SLAIN2: variants seen among roughly 807,000 people sequenced by gnomAD.
The protein encoded by SLAIN2 is SLAIN family member 2.
Under a neutral mutation model 56.6 loss-of-function variants are expected in SLAIN2, and 31 were observed. That is an observed-to-expected ratio of 0.55 (90% CI 0.41 to 0.74). The LOEUF is 0.74. Ranked by LOEUF, SLAIN2 falls within the 30% of genes least tolerant of loss-of-function variation. SLAIN2 has a pLI of 0.00. For missense variants in SLAIN2, 777 were observed against 754.2 expected, an observed-to-expected ratio of 1.03 and a Z score of -0.35; for synonymous variants, 317 against 284.9, an observed-to-expected ratio of 1.11 and a Z score of -1.13.
intron 6 of SLAIN2, among the ~76,000 whole-genome samples, chr4:48,411,469 G>T (rs965246914): frequency 7.2e-5 from 11 of 151,956 alleles, no homozygotes; most frequent in Admixed American, 5.9e-4. Flanking sequence ...AAGTGTAGGG[G>T]TCCAACTTCA....
chr4:48,358,728 A>AT (rs71191213), intron 1 of SLAIN2, among the ~76,000 whole-genome samples: 42,704 of 148,276 alleles, frequency 0.29, 6,329 homozygotes, highest in South Asian at 0.49. Context: ...ATTTATTTTT[A>AT]TTTTTTTTTG....
At chr4:48,395,180 C>T (rs1560461442) in intron 6 of SLAIN2, among the ~76,000 whole-genome samples, 1 of 151,870 alleles carries the variant, frequency 6.6e-6, no homozygotes, top group African/African-American at 2.4e-5. Context: ...TCAAAGCTGT[C>T]CAATATTGGT....
At chr4:48,383,530 C>T in intron 5 of SLAIN2, 117 bp from the exon 6 acceptor site, 2 of 861,656 alleles carry the variant, frequency 2.3e-6, no homozygotes, top group East Asian at 3.2e-5. Context: ...TTTGTATTTT[C>T]TCATCTAAAA....
rs1717232182 is a variant in SLAIN2 at position 48,424,023 on chromosome 4, A to G, written c.*1946A>G. On this transcript the variant is annotated 3_prime_UTR_variant, in exon 8 of 8. Coordinates refer to ENST00000264313, the MANE Select transcript of SLAIN2 (RefSeq NM_020846.2). Reference sequence around the variant, plus strand: ...ATATATATGCTGCAATCTAATAATTAAAAGGAATTTTACCTATTATGAAAC... The same window carrying G: ...ATATATATGCTGCAATCTAATAATTGAAAGGAATTTTACCTATTATGAAAC... 6.6e-6 allele frequency: 1 copy of G among 152,196 alleles called. No individual in the cohort carries two copies. The highest frequency in any genetic ancestry group is 1.5e-5 in the Non-Finnish European group (1 of 68,018). 9.4% of individuals were successfully genotyped at this position (152,196 alleles called of 1,614,324 possible).
At chr4:48,386,648 G>A (rs1289813983) in intron 6 of SLAIN2, among the ~76,000 whole-genome samples, 1 of 152,080 alleles carries the variant, frequency 6.6e-6, no homozygotes, top group Non-Finnish European at 1.5e-5. Context: ...GTCTTATTGT[G>A]AACTCTGTAA....
Position 48,341,820 on chromosome 4 carries a change from G to A in SLAIN2, c.81G>A (p.Gln27=), listed in dbSNP as rs1342311401. ...LQELVKKLEK[Q]NEQLRSRSGA... ...AGCTGGTGAAGAAGCTGGAGAAGCA[G>A]AACGAACAGCTGAGGAGCCGCTCGG... Residue 27 remains glutamine, a synonymous_variant, in exon 1 of 8, where the codon CAG becomes CAA. Coordinates refer to ENST00000264313, the MANE Select transcript of SLAIN2 (RefSeq NM_020846.2). The A allele has an allele frequency of 1.3e-6, 2 of 1,533,684 alleles. No homozygotes were observed. Among genetic ancestry groups the A allele is most frequent in the Admixed American group, 2.0e-5 (1 of 49,714 alleles).
intron 6 of SLAIN2, among the ~76,000 whole-genome samples, chr4:48,412,738 T>C (rs1264397319): frequency 6.6e-6 from 1 of 152,190 alleles, no homozygotes; most frequent in Non-Finnish European, 1.5e-5. Context: ...AACTAACAAT[T>C]TTTGTATGCT....
chr4:48,372,337 A>G (rs1277547933), intron 2 of SLAIN2, among the ~76,000 whole-genome samples: 1 of 152,214 alleles, frequency 6.6e-6, no homozygotes, highest in Non-Finnish European at 1.5e-5. Flanking sequence ...AAGCCAGATA[A>G]TAAACAATTT....
chr4:48,363,872 C>T (rs1326404727), intron 1 of SLAIN2, among the ~76,000 whole-genome samples: 14 of 134,504 alleles, frequency 1.0e-4, no homozygotes, highest in South Asian at 2.4e-4. Context: ...TAGGGGCGGC[C>T]GGGCAGAGGC....
chr4:48,404,095 C>A (rs1443069609), intron 6 of SLAIN2, among the ~76,000 whole-genome samples: 3 of 152,098 alleles, frequency 2.0e-5, no homozygotes, highest in Non-Finnish European at 4.4e-5. Context: ...TCAAGCTGTT[C>A]GCCTAGTCAG....
chr4:48,380,660 TAGA>T (rs1187338964), intron 4 of SLAIN2, among the ~76,000 whole-genome samples: 1 of 152,192 alleles, frequency 6.6e-6, no homozygotes, highest in Non-Finnish European at 1.5e-5. Context: ...TGCATTTCAT[TAGA>T]AGATGCCATC....
At chr4:48,352,470 A>C (rs1715038739) in intron 1 of SLAIN2, among the ~76,000 whole-genome samples, 1 of 152,222 alleles carries the variant, frequency 6.6e-6, no homozygotes, top group African/African-American at 2.4e-5. Flanking sequence ...TAAAAATGTC[A>C]TTTTGATCTT....
chr4:48,378,932 T>C (rs1318994887), intron 3 of SLAIN2, among the ~76,000 whole-genome samples: 3 of 152,192 alleles, frequency 2.0e-5, no homozygotes, highest in Non-Finnish European at 4.4e-5. Context: ...CTTACATGCT[T>C]TTCATGTTGG....
intron 1 of SLAIN2, among the ~76,000 whole-genome samples, chr4:48,350,888 A>G (rs1714993423): frequency 6.6e-6 from 1 of 152,258 alleles, no homozygotes; most frequent in Admixed American, 6.5e-5. Flanking sequence ...ATGAAGAATA[A>G]TAGATGCAAT....
intron 1 of SLAIN2, among the ~76,000 whole-genome samples, chr4:48,360,682 G>A (rs1166715105): frequency 6.6e-6 from 1 of 152,168 alleles, no homozygotes; most frequent in Non-Finnish European, 1.5e-5. Context: ...TCACAGAATA[G>A]TACAACCATC....
chr4:48,353,848 A>G (rs927181142), intron 1 of SLAIN2, among the ~76,000 whole-genome samples: 2 of 152,224 alleles, frequency 1.3e-5, no homozygotes, highest in African/African-American at 2.4e-5. Context: ...GACTAGAGCA[A>G]GGTCAGTGGA....
chr4:48,393,031 G>T (rs1716276235), intron 6 of SLAIN2, among the ~76,000 whole-genome samples: 1 of 151,762 alleles, frequency 6.6e-6, no homozygotes, highest in Non-Finnish European at 1.5e-5. Flanking sequence ...TATATATGTA[G>T]ATGAAAAATA....
chr4:48,399,132 A>G (rs530909010), intron 6 of SLAIN2, among the ~76,000 whole-genome samples: 1 of 152,300 alleles, frequency 6.6e-6, no homozygotes, highest in African/African-American at 2.4e-5. Context: ...CTTCCTATCC[A>G]TGAGCATGGA....
intron 6 of SLAIN2, among the ~76,000 whole-genome samples, chr4:48,404,411 A>G (rs1390128071): frequency 1.1e-5 from 1 of 95,062 alleles, no homozygotes; most frequent in Non-Finnish European, 2.5e-5. Context: ...AGATACACTC[A>G]TTATATCCTT....
Sources: gnomAD v4.1 joint callset for allele counts (sites outside exome capture counted in the v4.1 genomes callset) on GRCh38, gnomAD v4.1.1 for gene constraint, MANE v1.5 for transcripts, NCBI Gene and HGNC (gene_info 2026-07-23, HGNC 2026-07-21) for gene names.